Variants in RBFOX1 observed in about 807,000 individuals in gnomAD.
RBFOX1 encodes the protein RNA binding fox-1 homolog 1, also known as RNA binding protein fox-1 homolog 1.
In RBFOX1, 8 loss-of-function variants were observed where a neutral mutation model predicts 57.7. That is an observed-to-expected ratio of 0.14 (90% CI 0.08 to 0.25). RBFOX1 has a LOEUF of 0.25. Ranked by LOEUF, RBFOX1 falls within the 10% of genes least tolerant of loss-of-function variation. The pLI, the probability that RBFOX1 is intolerant of heterozygous loss-of-function variation, is 1.00. For missense variants in RBFOX1, 611 were observed against 548.5 expected, an observed-to-expected ratio of 1.11 and a Z score of -1.14; for synonymous variants, 326 against 222.4, an observed-to-expected ratio of 1.47 and a Z score of -4.15.
intron 1 of RBFOX1, among the ~76,000 whole-genome samples, chr16:5,355,849 C>T (rs572600073): frequency 1.5e-3 from 230 of 152,228 alleles, no homozygotes; most frequent in African/African-American, 4.5e-3. Context: ...CCAGCCCTTT[C>T]GGAGGCCGAG....
intron 1 of RBFOX1, among the ~76,000 whole-genome samples, chr16:6,258,017 T>C (rs1014902062): frequency 6.6e-6 from 1 of 152,194 alleles, no homozygotes; most frequent in Non-Finnish European, 1.5e-5. Flanking sequence ...TCTACAAAGG[T>C]TGAACTAATT....
intron 4 of RBFOX1, chr16:7,304,228 G>C (rs988785094): frequency 1.0e-5 from 10 of 981,784 alleles, no homozygotes; most frequent in Admixed American, 6.2e-5. Context: ...GAGAGAGAGA[G>C]AGAGAGAGAG....
At position 5,811,188 on chromosome 16, in the gene RBFOX1, G is replaced by C. The variant is rs1852695684; in HGVS notation, c.319-56115G>C. On this transcript the variant is annotated intron_variant, in intron 3 of 19. Transcript: ENST00000641259. ...TTTTGAGATGGAGTCTGTCACCCAG[G>C]CTGCAGTGCAATGGTGCGATCTCGG... 3.1e-5 allele frequency among the ~76,000 whole-genome samples: 4 copies of C among 128,012 alleles called. No homozygotes were observed. In the Admixed American group the frequency reaches 3.7e-4, roughly 12 times the overall value. The allele number at this position is 128,012 out of a possible 152,430, so 84.0% of individuals were successfully genotyped here. A position where few individuals can be genotyped will look rare whatever the true frequency, so the allele number is the denominator to read the frequency against.
At chr16:5,594,529 T>G (rs557868832) in intron 2 of RBFOX1, among the ~76,000 whole-genome samples, 2 of 152,278 alleles carry the variant, frequency 1.3e-5, no homozygotes, top group Non-Finnish European at 2.9e-5. Flanking sequence ...ATTGGTTTCT[T>G]CATCTGGAAA....
chr16:6,959,860 C>G (rs951657289), intron 3 of RBFOX1, among the ~76,000 whole-genome samples: 3 of 152,116 alleles, frequency 2.0e-5, no homozygotes, highest in African/African-American at 7.2e-5. Context: ...TCGCTTGAAC[C>G]TAGGAGGCGG....
intron 3 of RBFOX1, among the ~76,000 whole-genome samples, chr16:5,803,893 C>T (rs1311798843): frequency 6.6e-6 from 1 of 152,196 alleles, no homozygotes; most frequent in Non-Finnish European, 1.5e-5. Context: ...CAGACTTCCA[C>T]ACCTTTGCAT....
chr16:7,432,747 C>G (rs568806927), intron 4 of RBFOX1, among the ~76,000 whole-genome samples: 1 of 152,322 alleles, frequency 6.6e-6, no homozygotes, highest in Admixed American at 6.5e-5. Context: ...TAGACTCCAG[C>G]TGATGGCCTT....
At chr16:6,943,575 G>A (rs1364493692) in intron 3 of RBFOX1, among the ~76,000 whole-genome samples, 1 of 152,096 alleles carries the variant, frequency 6.6e-6, no homozygotes, top group Non-Finnish European at 1.5e-5. Flanking sequence ...AGGCGCGGTG[G>A]CGGGTGCCTG....
At chr16:7,137,990 C>G (rs1016541456) in intron 4 of RBFOX1, among the ~76,000 whole-genome samples, 2 of 152,058 alleles carry the variant, frequency 1.3e-5, no homozygotes, top group Non-Finnish European at 2.9e-5. Context: ...AGAAAATGCA[C>G]GTAGAGAGAG....
chr16:6,380,692 G>C (rs1384848814), intron 2 of RBFOX1, among the ~76,000 whole-genome samples: 1 of 150,948 alleles, frequency 6.6e-6, no homozygotes, highest in African/African-American at 2.4e-5. Context: ...ATCTCTTTGG[G>C]GGCATACAAA....
chr16:7,075,225 T>C (rs1307694465), intron 4 of RBFOX1, among the ~76,000 whole-genome samples: 1 of 152,200 alleles, frequency 6.6e-6, no homozygotes, highest in Non-Finnish European at 1.5e-5. Flanking sequence ...CACTTCTGGG[T>C]ACCAACAGTA....
chr16:5,764,700 G>T (rs966198704), intron 3 of RBFOX1, among the ~76,000 whole-genome samples: 17 of 152,086 alleles, frequency 1.1e-4, no homozygotes, highest in Admixed American at 9.2e-4. Flanking sequence ...CTGTACACTT[G>T]GATTTTGGTC....
intron 4 of RBFOX1, among the ~76,000 whole-genome samples, chr16:7,065,143 T>C (rs1232083784): frequency 1.3e-5 from 2 of 152,236 alleles, no homozygotes; most frequent in African/African-American, 4.8e-5. Flanking sequence ...GACGCATTTG[T>C]AACCTTACCT....
intron 4 of RBFOX1, among the ~76,000 whole-genome samples, chr16:7,299,574 G>A (rs977200104): frequency 2.0e-5 from 3 of 152,168 alleles, no homozygotes; most frequent in East Asian, 1.9e-4. Flanking sequence ...AAAAAGGAGC[G>A]CTGTGCTCAT....
chr16:5,449,277 C>G (rs769108959), intron 1 of RBFOX1, among the ~76,000 whole-genome samples: 1 of 152,204 alleles, frequency 6.6e-6, no homozygotes, highest in Non-Finnish European at 1.5e-5. Flanking sequence ...GCCCTGCTTT[C>G]CCTAATGACG....
intron 3 of RBFOX1, among the ~76,000 whole-genome samples, chr16:6,940,077 A>T (rs1249027210): frequency 6.6e-6 from 1 of 152,166 alleles, no homozygotes; most frequent in Admixed American, 6.5e-5. Flanking sequence ...TAGTAATCCC[A>T]GTTACTTGGG....
At chr16:7,695,742 A>AT (rs1568511324) in intron 14 of RBFOX1, among the ~76,000 whole-genome samples, 1 of 151,534 alleles carries the variant, frequency 6.6e-6, no homozygotes, top group African/African-American at 2.4e-5. Flanking sequence ...TTATAAAAAC[A>AT]TTTATTAGAG....
intron 3 of RBFOX1, among the ~76,000 whole-genome samples, chr16:6,738,725 C>T (rs1474367439): frequency 6.6e-6 from 1 of 152,112 alleles, no homozygotes; most frequent in South Asian, 2.1e-4. Flanking sequence ...CTTGAGAGAC[C>T]ATGTCCTAGG....
intron 3 of RBFOX1, among the ~76,000 whole-genome samples, chr16:6,817,276 A>C (rs926705558): frequency 6.6e-6 from 1 of 152,132 alleles, no homozygotes; most frequent in African/African-American, 2.4e-5. Context: ...TGACCACCTT[A>C]ATGTGTCATA....
Sources: gnomAD v4.1 joint callset for allele counts (sites outside exome capture counted in the v4.1 genomes callset) on GRCh38, gnomAD v4.1.1 for gene constraint, MANE v1.5 for transcripts, NCBI Gene and HGNC (gene_info 2026-07-23, HGNC 2026-07-21) for gene names.